The following THBS4 variants were observed in gnomAD, a reference collection of about 807,000 sequenced individuals.
THBS4 encodes thrombospondin 4.
THBS4 carries 90 observed loss-of-function variants against 115.7 expected under a neutral mutation model. That is an observed-to-expected ratio of 0.78 (90% confidence interval 0.66 to 0.93). The LOEUF (loss-of-function observed/expected upper bound fraction) is 0.93. Among genes scored for constraint, THBS4 ranks in the 40% least tolerant of loss-of-function variants. The pLI is 0.00. For missense variants in THBS4, 1,087 were observed against 1,232.7 expected, an observed-to-expected ratio of 0.88 and a Z score of 1.77; for synonymous variants, 460 against 479.3, an observed-to-expected ratio of 0.96 and a Z score of 0.53.
At chr5:80,077,174 C>G (rs937058988) in intron 16 of THBS4, 126 bp downstream of exon 16, 1 of 880,142 alleles carries the variant, frequency 1.1e-6, no homozygotes, top group Non-Finnish European at 1.7e-6. Flanking sequence ...CTTCTCTACA[C>G]CCAGCTTCTC....
intron 7 of THBS4, among the ~76,000 whole-genome samples, chr5:80,061,269 G>T (rs1418873325): frequency 1.3e-5 from 2 of 152,168 alleles, no homozygotes; most frequent in Non-Finnish European, 2.9e-5. Flanking sequence ...TAATGAAGAG[G>T]CACCGGCCCT....
chr5:80,074,046 T>G (rs1417137456), intron 15 of THBS4, among the ~76,000 whole-genome samples: 1 of 152,194 alleles, frequency 6.6e-6, no homozygotes, highest in Non-Finnish European at 1.5e-5. Context: ...ATCTAGCTCA[T>G]AGGACCATCG....
chr5:79,992,521 G>C (rs538293501), intron 1 of THBS4, among the ~76,000 whole-genome samples: 1 of 152,080 alleles, frequency 6.6e-6, no homozygotes, highest in African/African-American at 2.4e-5. Flanking sequence ...AGAGTTCTAA[G>C]AAATGAAAAA....
chr5:80,018,023 G>A (rs1832284591), intron 2 of THBS4, among the ~76,000 whole-genome samples: 1 of 151,874 alleles, frequency 6.6e-6, no homozygotes, highest in African/African-American at 2.4e-5. Flanking sequence ...TTGTTGTTCT[G>A]AACTTCCACT....
At chr5:80,081,253 C>CTCTT (rs1366808493) in intron 20 of THBS4, among the ~76,000 whole-genome samples, 2 of 152,136 alleles carry the variant, frequency 1.3e-5, no homozygotes, top group African/African-American at 4.8e-5. Flanking sequence ...GTCAAATGTA[C>CTCTT]TCTTTTTGTC....
chr5:80,077,118 C>A, intron 16 of THBS4, 70 bp downstream of exon 16: 2 of 1,402,138 alleles, frequency 1.4e-6, no homozygotes, highest in Admixed American at 2.3e-5. Flanking sequence ...GGGGGCACGC[C>A]TCTCTCCAGG....
chr5:80,025,723 C>G (rs2434274), intron 2 of THBS4, among the ~76,000 whole-genome samples: 33,683 of 151,934 alleles, frequency 0.22, 3,958 homozygotes, highest in African/African-American at 0.3. Context: ...CTTGAGGGAC[C>G]CTTTGTCGCC....
intron 2 of THBS4, among the ~76,000 whole-genome samples, chr5:80,029,275 A>G (rs959411118): frequency 1.3e-5 from 2 of 152,200 alleles, no homozygotes; most frequent in African/African-American, 4.8e-5. Flanking sequence ...GCACTCAGTA[A>G]GGGATATTCC....
rs1030667137 is a variant in THBS4, at chr5:80,028,451, C to CT, written n.178-11615dup. On this transcript the variant is annotated intron_variant and non_coding_transcript_variant, in intron 2 of 3. Coordinates refer to the THBS4 transcript ENST00000510218. ...TACACTATACCTCCCCCGCACCATACTTTTTTTTTTTGGTTTGTTTGTTTT... is the reference window on the plus strand; with the variant it reads ...TACACTATACCTCCCCCGCACCATACTTTTTTTTTTTTGGTTTGTTTGTTTT... Among the ~76,000 whole-genome samples the CT allele has an allele frequency of 2.5e-3, 367 of 146,212 alleles. 5 individuals carry two copies. Among genetic ancestry groups the CT allele is most frequent in the African/African-American group, 8.4e-3 (338 of 40,156 alleles).
chr5:80,074,675 G>A (rs1351033918), intron 15 of THBS4, among the ~76,000 whole-genome samples: 5 of 150,260 alleles, frequency 3.3e-5, no homozygotes, highest in Admixed American at 6.6e-5. Context: ...CCAGGCTGGC[G>A]TGATCTCGGC....
chr5:79,991,351 G>C (rs368674111), exon 1 of THBS4: 1 of 918,868 alleles, frequency 1.1e-6, no homozygotes, highest in Admixed American at 3.2e-5. Context: ...GCTCTTGAGA[G>C]ATGAGAGAAA....
At chr5:79,998,478 C>T (rs1367029337) in intron 2 of THBS4, 2 of 156,712 alleles carry the variant, frequency 1.3e-5, no homozygotes, top group African/African-American at 4.8e-5. Flanking sequence ...TTCAGGTATT[C>T]CTTTGTAGCA....
chr5:80,049,864 C>A (rs1302547256), intron 2 of THBS4, among the ~76,000 whole-genome samples: 9 of 152,152 alleles, frequency 5.9e-5, no homozygotes, highest in Admixed American at 5.9e-4. Flanking sequence ...ATAAGAAGTT[C>A]AATCTCTCAG....
chr5:80,023,527 T>G lies in THBS4; in HGVS notation n.178-16550T>G, dbSNP rs552790181. Among the ~76,000 whole-genome samples the G allele has an allele frequency of 2.0e-5, 3 of 152,326 alleles. No homozygotes were observed. The East Asian group carries it at 5.8e-4, about 29-fold the overall frequency. Reference sequence around the variant, plus strand: ...AGATTGTCAACAATAACCTACAGTTTCCCCGTTTCCTCTTATTTAAGCTTT... The same window carrying G: ...AGATTGTCAACAATAACCTACAGTTGCCCCGTTTCCTCTTATTTAAGCTTT... On this transcript the variant is annotated intron_variant and non_coding_transcript_variant, in intron 2 of 3. Transcript: ENST00000510218.
intron 8 of THBS4, among the ~76,000 whole-genome samples, chr5:80,064,814 G>C (rs2112114024): frequency 6.6e-6 from 1 of 152,178 alleles, no homozygotes; most frequent in Middle Eastern, 3.4e-3. Flanking sequence ...TTTATCAATG[G>C]AAAATCGTTG....
chr5:80,052,988 C>G (rs17882273), intron 2 of THBS4: 3 of 152,020 alleles, frequency 2.0e-5, no homozygotes, highest in African/African-American at 7.2e-5. Flanking sequence ...TAATATATAT[C>G]TTTTTATTAT....
chr5:80,044,043 G>T (rs1832985286), intron 2 of THBS4, among the ~76,000 whole-genome samples: 2 of 152,138 alleles, frequency 1.3e-5, no homozygotes, highest in Admixed American at 6.5e-5. Flanking sequence ...CTGCTCCCTC[G>T]ACACATATCC....
chr5:80,000,917 T>C (rs1307060110), intron 2 of THBS4, among the ~76,000 whole-genome samples: 1 of 152,170 alleles, frequency 6.6e-6, no homozygotes, highest in Non-Finnish European at 1.5e-5. Context: ...GAAAAGATTT[T>C]CTTTCTCTGA....
At position 80,072,951 on chromosome 5, in the gene THBS4, C is replaced by T. The variant is rs765494472; in HGVS notation, c.1840-324C>T. ...GCAAAGCAAAATCAACCTGCCTTCT[C>T]CCCATGCCTATGGCTGGCTCCCTGT... On this transcript the variant is annotated intron_variant, in intron 14 of 21. Coordinates refer to ENST00000350881, the MANE Select transcript of THBS4 (RefSeq NM_003248.6). Among the ~76,000 whole-genome samples, 6 of 152,318 alleles carry T rather than the reference C, an allele frequency of 3.9e-5. No individual in the cohort carries two copies. In the South Asian group the frequency reaches 1.0e-3, roughly 26 times the overall value.
Sources: gnomAD v4.1 joint callset for allele counts (sites outside exome capture counted in the v4.1 genomes callset) on GRCh38, gnomAD v4.1.1 for gene constraint, MANE v1.5 for transcripts, NCBI Gene and HGNC (gene_info 2026-07-23, HGNC 2026-07-21) for gene names.